Variants in CCDC77 observed in about 807,000 individuals in gnomAD.
CCDC77 encodes the protein coiled-coil domain-containing protein 77.
A neutral mutation model predicts 66.8 loss-of-function variants in CCDC77; 56 were observed. That is an observed-to-expected ratio of 0.84 (90% CI 0.68 to 1.05). CCDC77 has a LOEUF of 1.05. Ranked by LOEUF, CCDC77 falls within the 50% of genes least tolerant of loss-of-function variation. The pLI is 0.00. For missense variants in CCDC77, 570 were observed against 576.8 expected (o/e 0.99, Z 0.12); for synonymous variants, 196 against 195.2 (o/e 1.00, Z -0.03).
At chr12:419,409 A>G (rs1291081002) in intron 5 of CCDC77, among the ~76,000 whole-genome samples, 4 of 152,230 alleles carry the variant, frequency 2.6e-5, no homozygotes, top group East Asian at 1.9e-4. Flanking sequence ...AGTACACTAC[A>G]TGTTCCATTA....
chr12:431,722 C>T (rs1945655160), intron 7 of CCDC77, 144 bp from the exon 8 acceptor site: 3 of 556,456 alleles, frequency 5.4e-6, no homozygotes, highest in East Asian at 3.0e-5. Flanking sequence ...CTTTGTCTTC[C>T]GAATCCCTTC....
At chr12:407,782 ATTTTT>A (rs386375348) in intron 2 of CCDC77, among the ~76,000 whole-genome samples, 4 of 100,436 alleles carry the variant, frequency 4.0e-5, no homozygotes, top group African/African-American at 8.1e-5. Flanking sequence ...AGGACTGAAG[ATTTTT>A]TTTTTTTTTT....
chr12:406,936 G>A (rs1945003908), intron 2 of CCDC77, among the ~76,000 whole-genome samples: 1 of 152,214 alleles, frequency 6.6e-6, no homozygotes, highest in African/African-American at 2.4e-5. Flanking sequence ...GACACAGCAA[G>A]ACTTTGTCTC....
At chr12:405,886 A>G (rs780936338) in intron 2 of CCDC77, among the ~76,000 whole-genome samples, 21 of 151,366 alleles carry the variant, frequency 1.4e-4, no homozygotes, top group Non-Finnish European at 2.1e-4. Flanking sequence ...AGAGACAGAC[A>G]TTAAATATTA....
intron 12 of CCDC77, among the ~76,000 whole-genome samples, chr12:441,430 C>T (rs2286606): frequency 0.32 from 49,099 of 151,980 alleles, 8,152 homozygotes; most frequent in East Asian, 0.44. Flanking sequence ...AAAGAGGAGA[C>T]GCCTGCTTTC....
At chr12:427,035 A>G (rs1334207656) in intron 5 of CCDC77, among the ~76,000 whole-genome samples, 1 of 152,196 alleles carries the variant, frequency 6.6e-6, no homozygotes, top group Admixed American at 6.5e-5. Flanking sequence ...TCACGAGGTC[A>G]GGAGTTCAAG....
At chr12:414,618 C>T (rs1189286880) in intron 4 of CCDC77, among the ~76,000 whole-genome samples, 2 of 152,182 alleles carry the variant, frequency 1.3e-5, no homozygotes, top group Non-Finnish European at 2.9e-5. Flanking sequence ...TCTCTACCCT[C>T]CCTTCCCCAC....
chr12:400,053 C>A (rs868749278), upstream of CCDC77, among the ~76,000 whole-genome samples: 1 of 152,270 alleles, frequency 6.6e-6, no homozygotes, highest in Non-Finnish European at 1.5e-5. Flanking sequence ...TAACTTGCTG[C>A]GGCATCTACA....
upstream of CCDC77, chr12:401,469 T>G (rs1944892996): frequency 6.6e-6 from 1 of 152,142 alleles, no homozygotes; most frequent in African/African-American, 2.4e-5. Context: ...AAACTACATT[T>G]CCCAGAGACC....
At chr12:429,211 TA>T (rs950601312) in intron 6 of CCDC77, among the ~76,000 whole-genome samples, 3 of 152,136 alleles carry the variant, frequency 2.0e-5, no homozygotes, top group Non-Finnish European at 4.4e-5. Flanking sequence ...TGGTCTTTAT[TA>T]AAAACAAACA....
At chr12:398,525 T>A (rs904957921), upstream of CCDC77, among the ~76,000 whole-genome samples, 1 of 151,482 alleles carries the variant, frequency 6.6e-6, no homozygotes, top group Admixed American at 6.6e-5. Flanking sequence ...CTGCAACCTC[T>A]GCCTCCCGGG....
At chr12:402,300 A>G (rs922789911) in intron 1 of CCDC77, among the ~76,000 whole-genome samples, 8 of 152,218 alleles carry the variant, frequency 5.3e-5, no homozygotes, top group African/African-American at 1.9e-4. Flanking sequence ...GGGAGAAACG[A>G]TAGCAATAAA....
intron 7 of CCDC77, 84 bp from the exon 8 acceptor site, chr12:431,782 C>T (rs1268062280): frequency 2.4e-6 from 2 of 838,268 alleles, no homozygotes; most frequent in African/African-American, 3.4e-5. Flanking sequence ...ATCTGAACTC[C>T]TCTGCGTGGG....
intron 8 of CCDC77, 55 bp downstream of exon 8, chr12:432,009 A>G (rs931354881): frequency 4.0e-6 from 4 of 1,000,876 alleles, no homozygotes; most frequent in African/African-American, 3.2e-5. Flanking sequence ...GTGCAGCTCT[A>G]TGTCACATAC....
intron 1 of CCDC77, chr12:390,180 C>T (rs769184845): frequency 1.8e-4 from 27 of 152,034 alleles, no homozygotes; most frequent in Non-Finnish European, 3.4e-4. Context: ...GCTCTCACTT[C>T]CCATGTATAA....
At chr12:414,753 T>C (rs1945189232) in intron 4 of CCDC77, among the ~76,000 whole-genome samples, 1 of 152,124 alleles carries the variant, frequency 6.6e-6, no homozygotes, top group South Asian at 2.1e-4. Context: ...ACCGAATCAT[T>C]TGGCAAGTCC....
chr12:433,162 T>C lies in CCDC77; in HGVS notation c.673-12T>C, dbSNP rs764161802. ...TAGGGCTGGATTCCTCACCCCTTTT[T>C]GGCCTGTCTAGGTGGAAGCACTGCA... On this transcript the variant is annotated splice_polypyrimidine_tract_variant and intron_variant, in intron 8 of 12. Transcript: ENST00000239830. 6.7e-5 allele frequency: 108 copies of C among 1,605,334 alleles called. No homozygotes were observed. The highest frequency in any genetic ancestry group is 9.0e-5 in the Non-Finnish European group (106 of 1,176,170).
chr12:413,303 C>G (rs998054414), intron 4 of CCDC77, among the ~76,000 whole-genome samples: 35 of 151,032 alleles, frequency 2.3e-4, no homozygotes, highest in African/African-American at 8.5e-4. Context: ...GTGGCGCGAT[C>G]TCAGCTCACT....
At chr12:411,612 C>A in intron 3 of CCDC77, 135 bp from the exon 4 acceptor site, 1 of 704,986 alleles carries the variant, frequency 1.4e-6, no homozygotes, top group Non-Finnish European at 2.3e-6. Flanking sequence ...GCCACTATGC[C>A]TGTCCAAACT....
Sources: gnomAD v4.1 joint callset for allele counts (sites outside exome capture counted in the v4.1 genomes callset) on GRCh38, gnomAD v4.1.1 for gene constraint, MANE v1.5 for transcripts, NCBI Gene and HGNC (gene_info 2026-07-23, HGNC 2026-07-21) for gene names.